The following FANCI variants were observed in gnomAD, a reference collection of about 807,000 sequenced individuals.
FANCI encodes Fanconi anemia group I protein.
A neutral mutation model predicts 176.1 loss-of-function variants in FANCI; 156 were observed. The observed-to-expected ratio is 0.89, with a 90% CI of 0.78 to 1.01. The LOEUF is 1.01. Among genes scored for constraint, FANCI ranks in the 50% least tolerant of loss-of-function variants. The probability of loss-of-function intolerance (pLI) is 0.00; values close to 1 mark genes in which losing one functional copy is unlikely to be tolerated. For missense variants in FANCI, 1,678 were observed against 1,534.1 expected (o/e 1.09, Z -1.57); for synonymous variants, 613 against 541.7 (o/e 1.13, Z -1.83).
chr15:89,315,430 A>G lies in FANCI; in HGVS notation c.3924+41A>G, dbSNP rs748813127. On this transcript the variant is annotated intron_variant, in intron 37 of 37. Transcript: ENST00000310775. Reference sequence around the variant, plus strand: ...TGTCTGGAGCCCAGCCACTCTTCCTAGCTGGTTAGCAGCCTATCTGGGAGC... The same window carrying G: ...TGTCTGGAGCCCAGCCACTCTTCCTGGCTGGTTAGCAGCCTATCTGGGAGC... 13 of 1,378,150 alleles carry G rather than the reference A, an allele frequency of 9.4e-6. No homozygotes were observed. The Admixed American group carries it at 1.8e-4, about 20-fold the overall frequency. The allele number at this position is 1,378,150 out of a possible 1,614,324, so 85.4% of individuals were successfully genotyped here.
intron 17 of FANCI, among the ~76,000 whole-genome samples, chr15:89,284,286 A>G (rs983227696): frequency 4.6e-5 from 7 of 152,204 alleles, no homozygotes; most frequent in African/African-American, 1.4e-4. Context: ...TTGGAGCAAT[A>G]AAATTGTCTT....
chr15:89,293,804 C>T, intron 22 of FANCI, 29 bp from the exon 23 acceptor site: 1 of 1,608,060 alleles, frequency 6.2e-7, no homozygotes. Context: ...GATGTTTGTC[C>T]TTAGCGGTCT....
chr15:89,276,849 T>G lies in FANCI; in HGVS notation c.1251T>G (p.His417Gln). The change falls in exon 13 of 38, where the codon CAT (histidine) becomes CAG (glutamine). Residue 417 changes from histidine to glutamine, a missense_variant. By Grantham distance (24) the His-to-Gln change is conservative (BLOSUM62 0). Coordinates refer to ENST00000310775, the MANE Select transcript of FANCI (RefSeq NM_001113378.2). ...SPSLSRMPNQ[H>Q]ACKLGANILL... ...GTCTTTCTAGAATGCCAAACCAGCA[T>G]GCATGTAAGCTCGGAGCTAATATCC... 1 of 1,614,202 alleles carries G rather than the reference T, an allele frequency of 6.2e-7. No individual in the cohort carries two copies. The highest frequency in any genetic ancestry group is 8.5e-7 in the Non-Finnish European group (1 of 1,180,034).
At chr15:89,312,837 T>C in intron 34 of FANCI, 67 bp from the exon 35 acceptor site, 1 of 1,204,214 alleles carries the variant, frequency 8.3e-7, no homozygotes, top group East Asian at 2.5e-5. Flanking sequence ...AAAAAAAAAT[T>C]AGCACTAGCA....
chr15:89,250,007 A>G (rs1385165754), intron 2 of FANCI, among the ~76,000 whole-genome samples: 1 of 152,248 alleles, frequency 6.6e-6, no homozygotes, highest in Non-Finnish European at 1.5e-5. Flanking sequence ...GAATTATTAC[A>G]AACTATTCTC....
At chr15:89,262,973 A>T (rs2052777685) in intron 6 of FANCI, among the ~76,000 whole-genome samples, 1 of 152,178 alleles carries the variant, frequency 6.6e-6, no homozygotes. Flanking sequence ...GCCTCAAGGG[A>T]TCCTCCTCCT....
Position 89,292,803 on chromosome 15 carries a change from A to T in FANCI, c.2108A>T (p.Asp703Val). ...EEEEAFYEDL[D>V]DILESITNRM... Reference sequence around the variant, plus strand: ...GAAGAGGCATTCTACGAAGACCTAGATGATATATTGGAGTCCATTACTAAT... The same window carrying T: ...GAAGAGGCATTCTACGAAGACCTAGTTGATATATTGGAGTCCATTACTAAT... The change falls in exon 21 of 38, where the codon GAT (aspartate) becomes GTT (valine). Residue 703 changes from aspartate (D) to valine (V), a missense_variant. Asp to Val is a radical substitution (Grantham distance 152). Coordinates refer to ENST00000310775, the MANE Select transcript of FANCI (RefSeq NM_001113378.2). The T allele has an allele frequency of 6.2e-7, 1 of 1,614,108 alleles. No homozygotes were observed. The highest frequency in any genetic ancestry group is 8.5e-7 in the Non-Finnish European group (1 of 1,180,010).
intron 1 of FANCI, among the ~76,000 whole-genome samples, chr15:89,247,373 C>T (rs2052035841): frequency 6.6e-6 from 1 of 152,040 alleles, no homozygotes; most frequent in South Asian, 2.1e-4. Context: ...ATTATGAAAC[C>T]ACTTGATTAG....
At chr15:89,274,844 A>G (rs892985282) in intron 12 of FANCI, among the ~76,000 whole-genome samples, 5 of 151,792 alleles carry the variant, frequency 3.3e-5, no homozygotes, top group African/African-American at 9.7e-5. Flanking sequence ...AGCTCAAGCA[A>G]TCCACCTGCC....
intron 24 of FANCI, among the ~76,000 whole-genome samples, chr15:89,297,798 T>C (rs1187036597): frequency 2.7e-5 from 4 of 150,150 alleles, no homozygotes; most frequent in Non-Finnish European, 5.9e-5. Flanking sequence ...GGGGGCTCGT[T>C]TGTTTTTTTG....
In FANCI at chr15:89,268,437, G is replaced by A. The variant is rs375652309; in HGVS notation, c.794G>A (p.Arg265His). ...DVVTVPSGELRHVEGTIILHI... is the reference protein window; with the variant it reads ...DVVTVPSGELHHVEGTIILHI... The stretch of plus-strand genomic sequence containing the variant: ...GTCACTGTGCCATCAGGTGAACTTC[G>A]TCATGTGGAAGGCACCATTATTCTA... Residue 265 changes from arginine to histidine, a missense_variant, in exon 10 of 38, where the codon CGT becomes CAT. Arg to His is a conservative substitution (Grantham distance 29). Around this residue, in one of 3 missense-constraint regions of FANCI, gnomAD observed 469 missense variants for 436.9 expected, o/e 1.07. Coordinates refer to ENST00000310775, the MANE Select transcript of FANCI (RefSeq NM_001113378.2). 1.4e-5 allele frequency: 22 copies of A among 1,613,992 alleles called. No individual in the cohort carries two copies. Among genetic ancestry groups the A allele is most frequent in the Non-Finnish European group, 1.9e-5 (22 of 1,180,040 alleles).
chr15:89,290,332 A>G, intron 19 of FANCI, 51 bp downstream of exon 19: 1 of 1,388,022 alleles, frequency 7.2e-7, no homozygotes, highest in Non-Finnish European at 1.0e-6. Flanking sequence ...AAGGATCGAG[A>G]GACAGTTGAT....
intron 1 of FANCI, chr15:89,245,960 G>A (rs1596202512): frequency 1.3e-5 from 2 of 152,336 alleles, no homozygotes; most frequent in South Asian, 2.1e-4. Flanking sequence ...AGTGGAGATG[G>A]AGAAAAGTAG....
chr15:89,299,998 A>G, intron 25 of FANCI, 32 bp downstream of exon 25: 1 of 1,612,164 alleles, frequency 6.2e-7, no homozygotes, highest in Non-Finnish European at 8.5e-7. Flanking sequence ...AATAGGCTTG[A>G]TTTAGGTTTC....
intron 1 of FANCI, among the ~76,000 whole-genome samples, chr15:89,244,807 C>T (rs1019662989): frequency 1.1e-4 from 16 of 152,164 alleles, no homozygotes; most frequent in African/African-American, 3.9e-4. Flanking sequence ...AGTTGTTCAT[C>T]TAAAATGGGG....
intron 25 of FANCI, 61 bp downstream of exon 25, chr15:89,300,027 A>T: frequency 6.3e-7 from 1 of 1,575,966 alleles, no homozygotes. Context: ...TCAACCCCTT[A>T]ATTCCATTTG....
intron 9 of FANCI, among the ~76,000 whole-genome samples, chr15:89,268,004 G>A (rs1309178826): frequency 6.6e-6 from 1 of 152,208 alleles, no homozygotes; most frequent in South Asian, 2.1e-4. Flanking sequence ...GTAAACACCT[G>A]CCTTCAGTGA....
chr15:89,300,875 C>G (rs959620579), intron 26 of FANCI, among the ~76,000 whole-genome samples: 1 of 152,164 alleles, frequency 6.6e-6, no homozygotes, highest in Non-Finnish European at 1.5e-5. Context: ...TAGCAGGGAA[C>G]AAAAGAGACA....
intron 35 of FANCI, 82 bp from the exon 36 acceptor site, chr15:89,314,530 C>A: frequency 4.0e-6 from 4 of 1,002,962 alleles, no homozygotes; most frequent in Non-Finnish European, 6.4e-6. Flanking sequence ...TAAAGCCATA[C>A]AGTTTTGTAA....
Sources: gnomAD v4.1 joint callset for allele counts (sites outside exome capture counted in the v4.1 genomes callset) on GRCh38, gnomAD v4.1.1 for gene constraint, gnomAD v4.1.1 regional missense constraint, MANE v1.5 for transcripts, NCBI Gene and HGNC (gene_info 2026-07-23, HGNC 2026-07-21) for gene names.